The following GMDS variants were observed in gnomAD, a reference collection of about 807,000 sequenced individuals.
GMDS encodes the protein GDP-mannose 4,6-dehydratase.
Under a neutral mutation model 49.9 loss-of-function variants are expected in GMDS, and 20 were observed. The ratio of observed to expected loss-of-function variants is 0.40; its 90% CI spans 0.28 to 0.58. The LOEUF (loss-of-function observed/expected upper bound fraction) is 0.58, where lower values mean the gene tolerates loss of function less well. Ranked by LOEUF, GMDS falls within the 20% of genes least tolerant of loss-of-function variation. The pLI, the probability that GMDS is intolerant of heterozygous loss-of-function variation, is 0.42. For missense variants in GMDS, 362 were observed against 481.4 expected, an observed-to-expected ratio of 0.75 and a Z score of 2.32; for synonymous variants, 177 against 178.6, an observed-to-expected ratio of 0.99 and a Z score of 0.07.
chr6:2,200,166 G>C (rs1202175179), intron 1 of GMDS, among the ~76,000 whole-genome samples: 4 of 152,208 alleles, frequency 2.6e-5, no homozygotes, highest in Non-Finnish European at 4.4e-5. Flanking sequence ...CACTGAGGAA[G>C]TTTATTCTGT....
rs554921216 is a variant in GMDS at position 2,234,806 on chromosome 6, T to A, written c.102+10515A>T. ...TTTTAAAGCAAAAAAAGAGAAAGCA[T>A]TGAAATTAATGCAAGAAGTTTACGG... On this transcript the variant is annotated intron_variant, in intron 1 of 10. Transcript: ENST00000380815. 4.6e-5 allele frequency among the ~76,000 whole-genome samples: 7 copies of A among 152,002 alleles called. 1 individual carries two copies. The South Asian group carries it at 1.5e-3, about 32-fold the overall frequency.
At chr6:2,179,175 C>G (rs972866708) in intron 1 of GMDS, among the ~76,000 whole-genome samples, 1 of 152,090 alleles carries the variant, frequency 6.6e-6, no homozygotes, top group Non-Finnish European at 1.5e-5. Flanking sequence ...CAACTTAAAT[C>G]TAAGATAACT....
intron 1 of GMDS, among the ~76,000 whole-genome samples, chr6:2,127,849 CCAAT>C (rs1775538524): frequency 6.6e-6 from 1 of 152,190 alleles, no homozygotes; most frequent in East Asian, 1.9e-4. Context: ...AAAGAATGCT[CCAAT>C]CAGACTAATG....
At chr6:2,193,426 C>A (rs969197666) in intron 1 of GMDS, among the ~76,000 whole-genome samples, 12 of 152,218 alleles carry the variant, frequency 7.9e-5, no homozygotes, top group Non-Finnish European at 1.6e-4. Flanking sequence ...CCACAGTCTG[C>A]ATCTGCAGCT....
intron 4 of GMDS, among the ~76,000 whole-genome samples, chr6:1,991,946 C>G (rs1276432036): frequency 6.6e-6 from 1 of 152,184 alleles, no homozygotes; most frequent in Non-Finnish European, 1.5e-5. Flanking sequence ...TTACGCAGCT[C>G]CACGGCAAGG....
intron 4 of GMDS, among the ~76,000 whole-genome samples, chr6:2,065,801 T>C (rs1771542679): frequency 6.6e-6 from 1 of 152,184 alleles, no homozygotes; most frequent in Non-Finnish European, 1.5e-5. Context: ...CTGATTGGTG[T>C]ACCTGAAAGT....
chr6:1,818,649 GCTAA>G lies in GMDS; in HGVS notation c.772-76067_772-76064del, dbSNP rs569281117. Reference sequence around the variant, plus strand: ...AAAAGTGAGCAAGGGGAGAAGAAAGGCTAACTATCTGGTGGGAAAAACACTAGTA... The same window carrying G: ...AAAAGTGAGCAAGGGGAGAAGAAAGGCTATCTGGTGGGAAAAACACTAGTA... On this transcript the variant is annotated intron_variant, in intron 7 of 10. Transcript: ENST00000380815. Among the ~76,000 whole-genome samples the G allele has an allele frequency of 2.7e-3, 410 of 149,930 alleles. 1 individual carries two copies. Among genetic ancestry groups the G allele is most frequent in the African/African-American group, 9.5e-3 (390 of 40,862 alleles).
intron 7 of GMDS, among the ~76,000 whole-genome samples, chr6:1,774,526 A>G (rs1053209904): frequency 3.3e-5 from 5 of 152,236 alleles, no homozygotes; most frequent in Non-Finnish European, 7.3e-5. Flanking sequence ...AAAGTGGATT[A>G]GGGCCCATCA....
intron 9 of GMDS, among the ~76,000 whole-genome samples, chr6:1,712,931 C>T (rs1240946917): frequency 1.3e-5 from 2 of 152,188 alleles, no homozygotes; most frequent in African/African-American, 2.4e-5. Flanking sequence ...ATCAGAAAGC[C>T]TGACCAATGT....
At chr6:2,078,919 T>A (rs949772889) in intron 4 of GMDS, among the ~76,000 whole-genome samples, 1 of 151,980 alleles carries the variant, frequency 6.6e-6, no homozygotes, top group East Asian at 1.9e-4. Context: ...GTAATATTTA[T>A]CCTATGAATC....
At chr6:2,182,047 G>A (rs1353857162) in intron 1 of GMDS, among the ~76,000 whole-genome samples, 2 of 152,348 alleles carry the variant, frequency 1.3e-5, no homozygotes, top group Admixed American at 1.3e-4. Context: ...CTACTCCAGT[G>A]TACATACAAA....
chr6:2,230,915 C>T (rs1158583038), intron 1 of GMDS, among the ~76,000 whole-genome samples: 2 of 131,276 alleles, frequency 1.5e-5, no homozygotes, highest in African/African-American at 5.7e-5. Context: ...TCACTTAATG[C>T]ATTTAGTATT....
chr6:1,854,897 AAAG>A (rs1351084453), intron 7 of GMDS, among the ~76,000 whole-genome samples: 6 of 152,344 alleles, frequency 3.9e-5, no homozygotes, highest in South Asian at 4.1e-4. Context: ...ATGGAATGAA[AAAG>A]AAGATGAGAA....
chr6:2,050,446 G>C (rs1456199061), intron 4 of GMDS, among the ~76,000 whole-genome samples: 1 of 152,108 alleles, frequency 6.6e-6, no homozygotes, highest in Non-Finnish European at 1.5e-5. Context: ...TTCTACCAGA[G>C]GTACAAGGAG....
At position 2,136,906 on chromosome 6, in the gene GMDS, C is replaced by CAA. The variant is rs3049649; in HGVS notation, c.103-12177_103-12176dup. The stretch of plus-strand genomic sequence containing the variant: ...TGACAGAGTGAGACTTCATTTCAAA[C>CAA]AAAAAAAAAAAAAAAAAAGAAAGAA... On this transcript the variant is annotated intron_variant, in intron 1 of 10. Coordinates refer to ENST00000380815, the MANE Select transcript of GMDS (RefSeq NM_001500.4). Among the ~76,000 whole-genome samples, 747 of 127,920 alleles carry CAA rather than the reference C, an allele frequency of 5.8e-3. 1 individual carries two copies. The highest frequency in any genetic ancestry group is 0.017 in the Middle Eastern group (4 of 240). 83.9% of individuals were successfully genotyped at this position (127,920 alleles called of 152,430 possible). A position where few individuals can be genotyped will look rare whatever the true frequency, so the allele number is the denominator to read the frequency against.
intron 9 of GMDS, among the ~76,000 whole-genome samples, chr6:1,708,988 G>A (rs748884799): frequency 6.6e-6 from 1 of 152,206 alleles, no homozygotes; most frequent in African/African-American, 2.4e-5. Context: ...CCTGGTGCCT[G>A]TGTCACTGGA....
At chr6:1,814,569 T>C (rs900713242) in intron 7 of GMDS, among the ~76,000 whole-genome samples, 2 of 152,206 alleles carry the variant, frequency 1.3e-5, no homozygotes, top group African/African-American at 2.4e-5. Context: ...AGCAACTTCA[T>C]GTTCATAGTT....
At chr6:1,905,983 A>G (rs1760756436) in intron 7 of GMDS, among the ~76,000 whole-genome samples, 1 of 151,888 alleles carries the variant, frequency 6.6e-6, no homozygotes, top group Non-Finnish European at 1.5e-5. Context: ...TCAAATGGAA[A>G]TGGAAAGTAC....
intron 4 of GMDS, among the ~76,000 whole-genome samples, chr6:1,980,231 T>C (rs1453004534): frequency 6.6e-6 from 1 of 151,940 alleles, no homozygotes; most frequent in Non-Finnish European, 1.5e-5. Flanking sequence ...ATGCTCCAAT[T>C]AAAAGACACA....
Sources: gnomAD v4.1 joint callset for allele counts (sites outside exome capture counted in the v4.1 genomes callset) on GRCh38, gnomAD v4.1.1 for gene constraint, MANE v1.5 for transcripts, NCBI Gene and HGNC (gene_info 2026-07-23, HGNC 2026-07-21) for gene names.